Variants in IFT80 observed in about 807,000 individuals in gnomAD.
IFT80 encodes the protein intraflagellar transport protein 80 homolog.
In IFT80, 79 loss-of-function variants were observed where a neutral mutation model predicts 107.9. The ratio of observed to expected loss-of-function variants is 0.73; its 90% CI spans 0.61 to 0.88. The LOEUF (loss-of-function observed/expected upper bound fraction) is 0.88, where lower values mean the gene tolerates loss of function less well. Among genes scored for constraint, IFT80 ranks in the 40% least tolerant of loss-of-function variants. The pLI, the probability that IFT80 is intolerant of heterozygous loss-of-function variation, is 0.00. For synonymous variants in IFT80, 299 were observed against 300.9 expected (o/e 0.99, Z 0.07); for missense variants, 797 against 914.2 (o/e 0.87, Z 1.65).
chr3:160,275,128 G>GATAT (rs1714155325), intron 18 of IFT80, among the ~76,000 whole-genome samples: 1 of 152,184 alleles, frequency 6.6e-6, no homozygotes, highest in East Asian at 1.9e-4. Flanking sequence ...CTAACGACAT[G>GATAT]ATATATAGCA....
rs1168847139 is a variant in IFT80, at chr3:160,366,156, T to C, written c.440-4A>G. ...GCTACTGAATACACTGGTGTTCCTG[T>C]AAGATGAAAAAAGAAAAAAAAAAGG... On this transcript the variant is annotated splice_polypyrimidine_tract_variant and splice_region_variant and intron_variant, in intron 5 of 19. Coordinates refer to ENST00000326448, the MANE Select transcript of IFT80 (RefSeq NM_020800.3). 3 of 1,596,942 alleles carry C rather than the reference T, an allele frequency of 1.9e-6. No homozygotes were observed. In the African/African-American group the frequency reaches 4.1e-5, roughly 22 times the overall value.
At chr3:160,304,756 C>T (rs1462951270) in intron 10 of IFT80, among the ~76,000 whole-genome samples, 1 of 152,104 alleles carries the variant, frequency 6.6e-6, no homozygotes, top group African/African-American at 2.4e-5. Flanking sequence ...ACAAGCTTAA[C>T]CTGCTAAGCA....
At chr3:160,280,873 G>A in intron 14 of IFT80, 59 bp from the exon 15 acceptor site, 3 of 1,454,660 alleles carry the variant, frequency 2.1e-6, no homozygotes, top group Non-Finnish European at 2.8e-6. Flanking sequence ...ATTAAAAATA[G>A]ATCTTTAAAA....
intron 8 of IFT80, among the ~76,000 whole-genome samples, chr3:160,345,693 CAAA>C (rs75389794): frequency 1.3e-5 from 1 of 74,902 alleles, no homozygotes; most frequent in Admixed American, 1.7e-4. Context: ...GACTCTGTCT[CAAA>C]AAAAAAAAAA....
intron 6 of IFT80, among the ~76,000 whole-genome samples, chr3:160,363,622 G>A (rs941840350): frequency 4.6e-5 from 7 of 151,200 alleles, no homozygotes; most frequent in African/African-American, 1.7e-4. Context: ...TATACTACAA[G>A]GCTACCACAA....
At position 160,307,654 on chromosome 3, in the gene IFT80, G is replaced by T; in HGVS notation, c.1076+9C>A. 1 of 1,347,526 alleles carries T rather than the reference G, an allele frequency of 7.4e-7. No homozygotes were observed. Among genetic ancestry groups the T allele is most frequent in the Non-Finnish European group, 1.1e-6 (1 of 937,656 alleles). 83.5% of individuals were successfully genotyped at this position (1,347,526 alleles called of 1,614,324 possible). A position where few individuals can be genotyped will look rare whatever the true frequency, so the allele number is the denominator to read the frequency against. On this transcript the variant is annotated intron_variant, in intron 10 of 19. Transcript: ENST00000326448. Reference sequence around the variant, plus strand: ...AACTCTGAAATTTTAAGAAATGCAAGATGCTTACGAGAACACGTAACATTG... The same window carrying T: ...AACTCTGAAATTTTAAGAAATGCAATATGCTTACGAGAACACGTAACATTG...
At chr3:160,360,919 G>A (rs1721443785) in intron 6 of IFT80, among the ~76,000 whole-genome samples, 1 of 152,170 alleles carries the variant, frequency 6.6e-6, no homozygotes, top group Non-Finnish European at 1.5e-5. Context: ...GAATTGTAAA[G>A]ACCATTGATG....
intron 18 of IFT80, 99 bp downstream of exon 18, chr3:160,277,207 A>T: frequency 9.8e-7 from 1 of 1,025,244 alleles, no homozygotes; most frequent in South Asian, 1.3e-5. Flanking sequence ...GGTGTTAAGA[A>T]ACTAAAATAT....
At chr3:160,314,989 A>G (rs1717687190) in intron 9 of IFT80, among the ~76,000 whole-genome samples, 1 of 145,140 alleles carries the variant, frequency 6.9e-6, no homozygotes, top group South Asian at 2.3e-4. Flanking sequence ...CTTTTTCCAA[A>G]AAGGGTTTGA....
At chr3:160,279,164 T>C in intron 16 of IFT80, 29 bp downstream of exon 16, 1 of 1,583,910 alleles carries the variant, frequency 6.3e-7, no homozygotes, top group Non-Finnish European at 8.7e-7. Flanking sequence ...GAAATATATA[T>C]ACAACTATGA....
intron 6 of IFT80, among the ~76,000 whole-genome samples, chr3:160,360,964 T>A (rs1180408054): frequency 5.3e-5 from 8 of 152,036 alleles, no homozygotes; most frequent in Admixed American, 5.2e-4. Context: ...ATGGGCAAAA[T>A]AACCCAACTA....
chr3:160,301,753 T>C (rs112954246), intron 11 of IFT80, among the ~76,000 whole-genome samples: 7 of 152,042 alleles, frequency 4.6e-5, no homozygotes, highest in African/African-American at 1.7e-4. Context: ...TATTTTTCCT[T>C]TGAAAATTTA....
At chr3:160,286,225 C>G (rs1197354117) in intron 12 of IFT80, among the ~76,000 whole-genome samples, 1 of 152,048 alleles carries the variant, frequency 6.6e-6, no homozygotes, top group Non-Finnish European at 1.5e-5. Flanking sequence ...TCCTCTTTGT[C>G]CTTTGAAGGT....
intron 12 of IFT80, among the ~76,000 whole-genome samples, chr3:160,300,163 G>A (rs1343448761): frequency 5.9e-5 from 9 of 151,984 alleles, no homozygotes; most frequent in Non-Finnish European, 1.0e-4. Context: ...TTTCTTCATA[G>A]CATGTATCAT....
intron 11 of IFT80, 99 bp downstream of exon 11, chr3:160,303,816 G>T: frequency 2.7e-6 from 2 of 734,516 alleles, no homozygotes; most frequent in South Asian, 1.6e-5. Context: ...GGTTCTAAAT[G>T]ACTAGTATAC....
chr3:160,259,055 C>T (rs1712595450), intron 19 of IFT80, among the ~76,000 whole-genome samples: 1 of 152,118 alleles, frequency 6.6e-6, no homozygotes, highest in Admixed American at 6.5e-5. Context: ...CTGCAGTGAG[C>T]CGTGATTGCA....
chr3:160,332,192 T>G (rs1359381595), intron 8 of IFT80, among the ~76,000 whole-genome samples: 1 of 152,150 alleles, frequency 6.6e-6, no homozygotes, highest in Admixed American at 6.5e-5. Context: ...AAGTGAGGTA[T>G]TTAAGTTAGG....
intron 8 of IFT80, among the ~76,000 whole-genome samples, chr3:160,350,652 T>C (rs1720625454): frequency 6.6e-6 from 1 of 151,810 alleles, no homozygotes; most frequent in Non-Finnish European, 1.5e-5. Flanking sequence ...CCACCTCTAC[T>C]AAAAATACAA....
At chr3:160,383,390 TTA>T in intron 2 of IFT80, 2 of 824,286 alleles carry the variant, frequency 2.4e-6, no homozygotes, top group Non-Finnish European at 2.9e-6. Flanking sequence ...ACATCTTCAC[TTA>T]ATAGTTAAAT....
Sources: allele counts gnomAD v4.1 joint callset (sites outside exome capture counted in the v4.1 genomes callset), GRCh38; gene constraint gnomAD v4.1.1; transcripts MANE v1.5; gene names NCBI Gene and HGNC (gene_info 2026-07-23, HGNC 2026-07-21).